The following FOXP1 variants were observed in gnomAD, a reference collection of about 807,000 sequenced individuals.
FOXP1 encodes the protein forkhead box P1.
A neutral mutation model predicts 98.2 loss-of-function variants in FOXP1; 15 were observed. The observed-to-expected ratio is 0.15, with a 90% CI of 0.10 to 0.24. The LOEUF is 0.24. FOXP1 is among the 10% of genes least tolerant of loss of function. The pLI is 1.00. For missense variants in FOXP1, 633 were observed against 848.5 expected (o/e 0.75, Z 3.15); for synonymous variants, 371 against 314.5 (o/e 1.18, Z -1.90).
Position 70,962,250 on chromosome 3 carries a change from G to A in FOXP1, c.1890-2859C>T, listed in dbSNP as rs573586744. Among the ~76,000 whole-genome samples the A allele has an allele frequency of 2.0e-5, 3 of 152,244 alleles. No homozygotes were observed. The East Asian group carries it at 5.8e-4, about 30-fold the overall frequency. ...GTCAGTTTCTGAATACTAGGCATTTGAGGATCATCTTTCTCTTTCTCTTTT... is the reference window on the plus strand; with the variant it reads ...GTCAGTTTCTGAATACTAGGCATTTAAGGATCATCTTTCTCTTTCTCTTTT... On this transcript the variant is annotated intron_variant, in intron 20 of 20. Coordinates refer to ENST00000649528, the MANE Select transcript of FOXP1 (RefSeq NM_001349338.3).
chr3:71,577,802 C>A (rs1361023186), intron 2 of FOXP1, among the ~76,000 whole-genome samples: 5 of 151,856 alleles, frequency 3.3e-5, no homozygotes, highest in African/African-American at 9.7e-5. Flanking sequence ...AAAAAAAAAT[C>A]CCCTGCAAAT....
Position 71,112,474 on chromosome 3 carries a change from G to T in FOXP1, c.282+62C>A, listed in dbSNP as rs116346860. 94 of 1,298,224 alleles carry T rather than the reference G, an allele frequency of 7.2e-5. No individual in the cohort carries two copies. The African/African-American group carries it at 1.2e-3, about 17-fold the overall frequency. The allele number at this position is 1,298,224 out of a possible 1,614,324, so 80.4% of individuals were successfully genotyped here. On this transcript the variant is annotated intron_variant, in intron 7 of 20. Coordinates refer to ENST00000649528, the MANE Select transcript of FOXP1 (RefSeq NM_001349338.3). ...GCAATGCTCAACACAATCCACTCCT[G>T]AACTGCTTGTCACTTATCCCAAAGG...
chr3:70,979,279 C>CAAAAAAAAAAAAAAAA (rs544916383), intron 14 of FOXP1, among the ~76,000 whole-genome samples: 19 of 42,560 alleles, frequency 4.5e-4, no homozygotes, highest in African/African-American at 5.2e-4. Context: ...GACTCTACCT[C>CAAAAAAAAAAAAAAAA]AAAAAAAAAA....
At chr3:71,068,407 G>A (rs989130137) in intron 7 of FOXP1, among the ~76,000 whole-genome samples, 22 of 152,200 alleles carry the variant, frequency 1.4e-4, no homozygotes, top group Non-Finnish European at 1.5e-5. Context: ...AGAGTCAGGA[G>A]GAGCGTCTCC....
chr3:71,196,347 G>A (rs1321164994), intron 6 of FOXP1, among the ~76,000 whole-genome samples: 1 of 152,058 alleles, frequency 6.6e-6, no homozygotes, highest in Admixed American at 6.6e-5. Context: ...ATTCTATGTA[G>A]CCAATTTGTT....
At chr3:71,176,737 C>T (rs1332525841) in intron 6 of FOXP1, among the ~76,000 whole-genome samples, 2 of 86,184 alleles carry the variant, frequency 2.3e-5, no homozygotes, top group Non-Finnish European at 4.0e-5. Flanking sequence ...GAGCAAGAGG[C>T]TATCTCAAAA....
At chr3:71,321,724 T>C (rs1560302583) in intron 4 of FOXP1, among the ~76,000 whole-genome samples, 1 of 151,922 alleles carries the variant, frequency 6.6e-6, no homozygotes, top group South Asian at 2.1e-4. Flanking sequence ...CAGGTTCAAG[T>C]AACTCTCCTG....
rs576480433 is a variant in FOXP1, at chr3:70,988,163, C to T, written c.1063-86G>A. Reference sequence around the variant, plus strand: ...AAAATGATACATATTACAAATTACGCTATGGCACCACAGCACATGATAAAA... The same window carrying T: ...AAAATGATACATATTACAAATTACGTTATGGCACCACAGCACATGATAAAA... On this transcript the variant is annotated intron_variant, in intron 13 of 20. Transcript: ENST00000649528. The T allele has an allele frequency of 1.4e-5, 16 of 1,138,898 alleles. No individual in the cohort carries two copies. In the African/African-American group the frequency reaches 2.0e-4, roughly 14 times the overall value. 70.5% of individuals were successfully genotyped at this position (1,138,898 alleles called of 1,614,324 possible).
chr3:71,397,840 C>T (rs1560426942), intron 3 of FOXP1, among the ~76,000 whole-genome samples: 1 of 152,158 alleles, frequency 6.6e-6, no homozygotes, highest in Non-Finnish European at 1.5e-5. Flanking sequence ...ATTCCAGGTC[C>T]CAAGCTGTAC....
chr3:71,255,597 G>A (rs760226988), intron 5 of FOXP1, among the ~76,000 whole-genome samples: 81 of 152,246 alleles, frequency 5.3e-4, no homozygotes, highest in Non-Finnish European at 7.6e-4. Flanking sequence ...GGAATTCAGT[G>A]GGGAGATGCT....
chr3:70,980,444 A>G (rs1399742246), intron 14 of FOXP1, among the ~76,000 whole-genome samples: 2 of 152,208 alleles, frequency 1.3e-5, no homozygotes, highest in Non-Finnish European at 2.9e-5. Flanking sequence ...GTCTCCTTCA[A>G]TTCTCATACC....
intron 6 of FOXP1, among the ~76,000 whole-genome samples, chr3:71,172,602 G>C (rs2061705551): frequency 6.6e-6 from 1 of 152,148 alleles, no homozygotes; most frequent in African/African-American, 2.4e-5. Flanking sequence ...AACTGCCTAA[G>C]GTCACCAGGA....
chr3:71,209,769 A>C (rs2108451371), intron 5 of FOXP1, among the ~76,000 whole-genome samples: 1 of 152,340 alleles, frequency 6.6e-6, no homozygotes, highest in South Asian at 2.1e-4. Context: ...CAGAGATACT[A>C]TATTTAGAAA....
intron 3 of FOXP1, among the ~76,000 whole-genome samples, chr3:71,421,283 G>T (rs967073754): frequency 5.1e-5 from 7 of 138,112 alleles, no homozygotes; most frequent in African/African-American, 1.7e-4. Flanking sequence ...CTGACATCAG[G>T]ATAAAAAAAA....
chr3:71,574,626 A>G (rs1468732401), intron 2 of FOXP1, among the ~76,000 whole-genome samples: 2 of 152,206 alleles, frequency 1.3e-5, no homozygotes, highest in African/African-American at 2.4e-5. Context: ...TACTTCTGCC[A>G]GCAGGGTTAA....
intron 3 of FOXP1, among the ~76,000 whole-genome samples, chr3:71,365,855 T>C (rs2078890327): frequency 6.6e-6 from 1 of 152,152 alleles, no homozygotes; most frequent in African/African-American, 2.4e-5. Context: ...TGGTGGCGTG[T>C]GCCTCTAGTC....
chr3:71,454,592 A>G (rs536444132), intron 3 of FOXP1, among the ~76,000 whole-genome samples: 5 of 152,250 alleles, frequency 3.3e-5, no homozygotes, highest in Admixed American at 3.3e-4. Flanking sequence ...CCTTAGACAT[A>G]CTGAACAAGA....
chr3:70,994,994 T>A (rs2041160823), intron 13 of FOXP1, among the ~76,000 whole-genome samples: 1 of 152,136 alleles, frequency 6.6e-6, no homozygotes, highest in African/African-American at 2.4e-5. Flanking sequence ...TGTCTCAGCT[T>A]CCTAAGTGAA....
At chr3:71,142,233 G>T (rs746036106) in intron 6 of FOXP1, among the ~76,000 whole-genome samples, 1 of 152,156 alleles carries the variant, frequency 6.6e-6, no homozygotes, top group East Asian at 1.9e-4. Flanking sequence ...CTGTCAATGT[G>T]TACCATTTTT....
Sources: allele counts gnomAD v4.1 joint callset (sites outside exome capture counted in the v4.1 genomes callset), GRCh38; gene constraint gnomAD v4.1.1; transcripts MANE v1.5; gene names NCBI Gene and HGNC (gene_info 2026-07-23, HGNC 2026-07-21).